CADPS2: variants seen among roughly 807,000 people sequenced by gnomAD.
The protein encoded by CADPS2 is calcium-dependent secretion activator 2.
In CADPS2, 93 loss-of-function variants were observed where a neutral mutation model predicts 172.5. The ratio of observed to expected loss-of-function variants is 0.54; its 90% CI spans 0.46 to 0.64. The LOEUF is 0.64. CADPS2 is among the 30% of genes least tolerant of loss of function. CADPS2 has a pLI of 0.00. For missense variants in CADPS2, 1,420 were observed against 1,565.9 expected (o/e 0.91, Z 1.57); for synonymous variants, 546 against 555.2 (o/e 0.98, Z 0.23).
chr7:122,478,033 A>C (rs1047439611), intron 12 of CADPS2, among the ~76,000 whole-genome samples: 1 of 152,196 alleles, frequency 6.6e-6, no homozygotes, highest in Admixed American at 6.5e-5. Flanking sequence ...ATTTTTATAA[A>C]GATATATTTT....
At chr7:122,659,310 T>TAA (rs34582432) in intron 3 of CADPS2, among the ~76,000 whole-genome samples, 26,933 of 128,766 alleles carry the variant, frequency 0.21, 3,112 homozygotes, top group Middle Eastern at 0.26. Flanking sequence ...ATGCTAGACA[T>TAA]AAAAAAAAAA....
intron 1 of CADPS2, among the ~76,000 whole-genome samples, chr7:122,859,511 T>C (rs1032473141): frequency 1.3e-5 from 2 of 152,116 alleles, no homozygotes; most frequent in African/African-American, 4.8e-5. Flanking sequence ...ATGGCTCCAG[T>C]AATACATAGG....
At chr7:122,535,350 T>C (rs1025871133) in intron 8 of CADPS2, among the ~76,000 whole-genome samples, 1 of 152,024 alleles carries the variant, frequency 6.6e-6, no homozygotes, top group African/African-American at 2.4e-5. Flanking sequence ...ACCTATCACA[T>C]AGTGTTGTAA....
chr7:122,621,484 T>C lies in CADPS2; in HGVS notation c.1101A>G (p.Leu367=), dbSNP rs2075603086. 1 of 1,605,048 alleles carries C rather than the reference T, an allele frequency of 6.2e-7. No individual in the cohort carries two copies. Among genetic ancestry groups the C allele is most frequent in the Non-Finnish European group, 8.5e-7 (1 of 1,172,180 alleles). The change falls in exon 5 of 30, where the codon TTA becomes TTG. Residue 367 remains leucine, a synonymous_variant. Transcript: ENST00000449022. The part of the protein sequence containing the change: ...SKSDVVLSFT[L]EIVIMEVQGL... ...AGCATGAGATAAAGCTACTTACCTC[T>C]AAGGTGAATGACAGTACCACGTCGG...
At chr7:122,539,868 A>G (rs1044789195) in intron 8 of CADPS2, among the ~76,000 whole-genome samples, 1 of 151,864 alleles carries the variant, frequency 6.6e-6, no homozygotes, top group Non-Finnish European at 1.5e-5. Context: ...TTATGCAATA[A>G]TCATATGAAG....
chr7:122,579,683 A>G (rs1429264700), intron 7 of CADPS2, among the ~76,000 whole-genome samples: 1 of 151,914 alleles, frequency 6.6e-6, no homozygotes, highest in Non-Finnish European at 1.5e-5. Flanking sequence ...AAAAACCCTG[A>G]TTAATAAAAA....
chr7:122,605,857 T>C (rs548996118), intron 6 of CADPS2, among the ~76,000 whole-genome samples: 1 of 152,262 alleles, frequency 6.6e-6, no homozygotes, highest in South Asian at 2.1e-4. Flanking sequence ...TATCCATAGA[T>C]TGAAACAGAG....
intron 1 of CADPS2, among the ~76,000 whole-genome samples, chr7:122,744,138 G>T (rs185236555): frequency 1.2e-3 from 184 of 152,342 alleles, no homozygotes; most frequent in African/African-American, 4.1e-3. Context: ...ACTGTAACAG[G>T]TGGCTAAAGT....
At chr7:122,492,451 C>T (rs2058378997) in intron 9 of CADPS2, among the ~76,000 whole-genome samples, 1 of 152,010 alleles carries the variant, frequency 6.6e-6, no homozygotes, top group Non-Finnish European at 1.5e-5. Context: ...GCTTGGATCA[C>T]AAGGCCATAT....
chr7:122,649,788 A>G (rs2078941233), intron 3 of CADPS2, among the ~76,000 whole-genome samples: 1 of 151,814 alleles, frequency 6.6e-6, no homozygotes, highest in Admixed American at 6.6e-5. Context: ...AATTTTATAC[A>G]TCTGTCTACT....
intron 6 of CADPS2, among the ~76,000 whole-genome samples, chr7:122,590,136 C>T (rs924649014): frequency 6.6e-6 from 1 of 151,716 alleles, no homozygotes; most frequent in Admixed American, 6.6e-5. Flanking sequence ...TCTAGGGACT[C>T]AAAGTAGCCA....
chr7:122,428,723 C>A (rs2049502370), intron 17 of CADPS2, among the ~76,000 whole-genome samples: 1 of 152,026 alleles, frequency 6.6e-6, no homozygotes, highest in Non-Finnish European at 1.5e-5. Flanking sequence ...CCCACCTTGG[C>A]CTCCCAAAGT....
chr7:122,847,915 A>G (rs1161955756), intron 1 of CADPS2, among the ~76,000 whole-genome samples: 1 of 152,232 alleles, frequency 6.6e-6, no homozygotes, highest in Non-Finnish European at 1.5e-5. Context: ...GCAATACGGT[A>G]GCAAAGCCAG....
chr7:122,775,619 A>G (rs527774914), intron 1 of CADPS2, among the ~76,000 whole-genome samples: 2 of 152,336 alleles, frequency 1.3e-5, no homozygotes, highest in African/African-American at 4.8e-5. Context: ...GGTTACCTTT[A>G]ATTTAGCATA....
intron 3 of CADPS2, among the ~76,000 whole-genome samples, chr7:122,654,703 T>C (rs962117110): frequency 6.6e-6 from 1 of 152,234 alleles, no homozygotes; most frequent in African/African-American, 2.4e-5. Flanking sequence ...ATTGATTTCA[T>C]GCCTGCTAAC....
chr7:122,403,913 T>C (rs998400687), intron 20 of CADPS2, among the ~76,000 whole-genome samples: 2 of 152,234 alleles, frequency 1.3e-5, no homozygotes, highest in African/African-American at 4.8e-5. Context: ...GTTTTCTCTA[T>C]AAAATAAATT....
At chr7:122,591,835 C>T (rs979786480) in intron 6 of CADPS2, among the ~76,000 whole-genome samples, 1 of 152,028 alleles carries the variant, frequency 6.6e-6, no homozygotes, top group East Asian at 1.9e-4. Context: ...CAAAAATTAA[C>T]TCAAGATGGA....
chr7:122,806,859 C>G (rs930990271), intron 1 of CADPS2, among the ~76,000 whole-genome samples: 1 of 152,184 alleles, frequency 6.6e-6, no homozygotes, highest in Non-Finnish European at 1.5e-5. Context: ...GATTTCCAAA[C>G]AGCCTTAAAG....
chr7:122,443,263 A>G (rs575634152), intron 15 of CADPS2, among the ~76,000 whole-genome samples: 3 of 152,344 alleles, frequency 2.0e-5, no homozygotes, highest in Admixed American at 2.0e-4. Flanking sequence ...ACGGAGTACA[A>G]GTAATCCTGA....
Sources: gnomAD v4.1 joint callset for allele counts (sites outside exome capture counted in the v4.1 genomes callset) on GRCh38, gnomAD v4.1.1 for gene constraint, MANE v1.5 for transcripts, NCBI Gene and HGNC (gene_info 2026-07-23, HGNC 2026-07-21) for gene names.